Variants in LRRC4C observed in about 807,000 individuals in gnomAD.
LRRC4C encodes leucine rich repeat containing 4C, also known as leucine-rich repeat-containing protein 4C.
Under a neutral mutation model 33.6 loss-of-function variants are expected in LRRC4C, and 5 were observed. That is an observed-to-expected ratio of 0.15 (90% CI 0.08 to 0.31). LRRC4C has a LOEUF of 0.31. Ranked by LOEUF, LRRC4C falls within the 10% of genes least tolerant of loss-of-function variation. The pLI, the probability that LRRC4C is intolerant of heterozygous loss-of-function variation, is 1.00. For missense variants in LRRC4C, 560 were observed against 796.7 expected (o/e 0.70, Z 3.58); for synonymous variants, 329 against 302.0 (o/e 1.09, Z -0.93).
At chr11:41,214,307 T>C in intron 1 of LRRC4C, among the ~76,000 whole-genome samples, 1 of 152,104 alleles carries the variant, frequency 6.6e-6, no homozygotes, top group Non-Finnish European at 1.5e-5. Context: ...AGTGACTCCC[T>C]GAAGTACACT....
chr11:40,124,638 T>G (rs917765657), intron 6 of LRRC4C, among the ~76,000 whole-genome samples: 1 of 152,142 alleles, frequency 6.6e-6, no homozygotes, highest in African/African-American at 2.4e-5. Context: ...GAGAGCAGAA[T>G]GATGGTTATC....
intron 2 of LRRC4C, among the ~76,000 whole-genome samples, chr11:40,869,035 A>G (rs913085659): frequency 6.6e-6 from 1 of 151,894 alleles, no homozygotes; most frequent in African/African-American, 2.4e-5. Context: ...TAAACACAGT[A>G]TCTCATTCAG....
At chr11:40,785,698 T>C (rs1303588208) in intron 2 of LRRC4C, among the ~76,000 whole-genome samples, 2 of 152,280 alleles carry the variant, frequency 1.3e-5, no homozygotes, top group East Asian at 3.9e-4. Context: ...ACAAAAACAA[T>C]ACACTTTTAA....
At chr11:40,451,197 G>A (rs1451522910) in intron 3 of LRRC4C, among the ~76,000 whole-genome samples, 1 of 151,254 alleles carries the variant, frequency 6.6e-6, no homozygotes, top group Non-Finnish European at 1.5e-5. Flanking sequence ...TAAGTAGACA[G>A]TGAAAAATAA....
At chr11:40,574,375 C>T (rs1190273903) in intron 3 of LRRC4C, among the ~76,000 whole-genome samples, 1 of 152,070 alleles carries the variant, frequency 6.6e-6, no homozygotes, top group Non-Finnish European at 1.5e-5. Context: ...TTAAGAGGTG[C>T]CCATGTATCC....
chr11:41,308,983 T>A (rs1465849171), intron 1 of LRRC4C, among the ~76,000 whole-genome samples: 1 of 152,008 alleles, frequency 6.6e-6, no homozygotes, highest in Non-Finnish European at 1.5e-5. Context: ...TTTGTATTTG[T>A]AGTAGAGATG....
chr11:41,110,388 A>G (rs1941760179), intron 1 of LRRC4C, among the ~76,000 whole-genome samples: 1 of 152,102 alleles, frequency 6.6e-6, no homozygotes, highest in Non-Finnish European at 1.5e-5. Flanking sequence ...TTCTCACTAT[A>G]GATTTATATA....
intron 1 of LRRC4C, among the ~76,000 whole-genome samples, chr11:41,457,700 G>T (rs1325501379): frequency 6.6e-6 from 1 of 151,962 alleles, no homozygotes; most frequent in African/African-American, 2.4e-5. Context: ...AAAATATCAT[G>T]ATCATAAATC....
chr11:40,157,711 G>A (rs1219879561), intron 5 of LRRC4C, among the ~76,000 whole-genome samples: 1 of 151,950 alleles, frequency 6.6e-6, no homozygotes, highest in Non-Finnish European at 1.5e-5. Context: ...TAATGCAAAA[G>A]CACCTTTCTC....
At chr11:40,530,350 C>T (rs938038360) in intron 3 of LRRC4C, among the ~76,000 whole-genome samples, 42 of 151,992 alleles carry the variant, frequency 2.8e-4, no homozygotes, top group African/African-American at 7.0e-4. Flanking sequence ...TATAGGATGT[C>T]GCAGAATTTA....
chr11:40,191,263 T>C (rs1861819234), intron 5 of LRRC4C, among the ~76,000 whole-genome samples: 1 of 152,176 alleles, frequency 6.6e-6, no homozygotes, highest in Non-Finnish European at 1.5e-5. Flanking sequence ...AGACCCAGGT[T>C]TGAATGACTT....
chr11:41,362,790 C>CTT (rs151264006), intron 1 of LRRC4C, among the ~76,000 whole-genome samples: 27 of 150,736 alleles, frequency 1.8e-4, no homozygotes, highest in Admixed American at 7.3e-4. Context: ...CATTCCTAAA[C>CTT]TTTCTTTTTT....
rs141521633 is a variant in LRRC4C at position 40,182,930 on chromosome 11, C to T, written c.-95-42077G>A. 4.1e-3 allele frequency among the ~76,000 whole-genome samples: 629 copies of T among 152,236 alleles called. 8 individuals are homozygous for T. Among genetic ancestry groups the T allele is most frequent in the Non-Finnish European group, 6.0e-3 (405 of 68,006 alleles). ...AAGAGTTAAGTACTATTATCACTCT[C>T]ATTTTATGGTTTAAAAAAATGGGGC... On this transcript the variant is annotated intron_variant, in intron 5 of 6. Transcript: ENST00000528697.
intron 3 of LRRC4C, among the ~76,000 whole-genome samples, chr11:40,603,012 A>G (rs576761509): frequency 1.3e-5 from 2 of 152,186 alleles, no homozygotes; most frequent in Non-Finnish European, 2.9e-5. Context: ...GACAAAAGGT[A>G]ATCAGAGTAT....
At chr11:40,348,093 A>G (rs1295298839) in intron 3 of LRRC4C, among the ~76,000 whole-genome samples, 1 of 152,158 alleles carries the variant, frequency 6.6e-6, no homozygotes, top group African/African-American at 2.4e-5. Context: ...GTACCCAAAA[A>G]CAATTACAAT....
chr11:41,342,534 G>A (rs1249976147), intron 1 of LRRC4C, among the ~76,000 whole-genome samples: 1 of 152,076 alleles, frequency 6.6e-6, no homozygotes, highest in African/African-American at 2.4e-5. Flanking sequence ...GATCAACATG[G>A]CAAAACCCCG....
At chr11:41,204,231 C>A (rs1363899548) in intron 1 of LRRC4C, among the ~76,000 whole-genome samples, 1 of 152,310 alleles carries the variant, frequency 6.6e-6, no homozygotes, top group Non-Finnish European at 1.5e-5. Context: ...TCCACACAAG[C>A]ATTTTATTGT....
intron 3 of LRRC4C, among the ~76,000 whole-genome samples, chr11:40,612,266 G>T (rs1191361488): frequency 6.6e-6 from 1 of 151,734 alleles, no homozygotes; most frequent in Non-Finnish European, 1.5e-5. Context: ...AAGACATTAC[G>T]CAAATTGAAA....
At chr11:40,651,578 T>G (rs1942806238) in intron 2 of LRRC4C, among the ~76,000 whole-genome samples, 1 of 152,190 alleles carries the variant, frequency 6.6e-6, no homozygotes, top group Non-Finnish European at 1.5e-5. Context: ...GTTAAGCGAT[T>G]TCCATGCATT....
Sources: gnomAD v4.1 joint callset for allele counts (sites outside exome capture counted in the v4.1 genomes callset) on GRCh38, gnomAD v4.1.1 for gene constraint, MANE v1.5 for transcripts, NCBI Gene and HGNC (gene_info 2026-07-23, HGNC 2026-07-21) for gene names.